The following MAP3K13 variants were observed in gnomAD, a reference collection of about 807,000 sequenced individuals.
The protein encoded by MAP3K13 is mitogen-activated protein kinase kinase kinase 13.
A neutral mutation model predicts 104.0 loss-of-function variants in MAP3K13; 52 were observed. The observed-to-expected ratio is 0.50, with a 90% confidence interval of 0.40 to 0.63. The LOEUF is 0.63. Among genes scored for constraint, MAP3K13 ranks in the 20% least tolerant of loss-of-function variants. The probability of loss-of-function intolerance (pLI) is 0.00; values close to 1 mark genes in which losing one functional copy is unlikely to be tolerated. For synonymous variants in MAP3K13, 394 were observed against 442.2 expected (o/e 0.89, Z 1.37); for missense variants, 914 against 1,218.5 (o/e 0.75, Z 3.72).
At chr3:185,339,989 C>A (rs575540345) in intron 2 of MAP3K13, among the ~76,000 whole-genome samples, 39 of 76,066 alleles carry the variant, frequency 5.1e-4, no homozygotes, top group African/African-American at 1.4e-3. Flanking sequence ...TTAATTATTT[C>A]TTTTCCTTTT....
chr3:185,333,607 A>G (rs548724955), intron 2 of MAP3K13, among the ~76,000 whole-genome samples: 26 of 152,332 alleles, frequency 1.7e-4, no homozygotes, highest in African/African-American at 6.3e-4. Flanking sequence ...CATTAAAAAT[A>G]TCTGGCTGGG....
At chr3:185,417,382 C>T in intron 1 of MAP3K13, 3 of 1,035,910 alleles carry the variant, frequency 2.9e-6, no homozygotes, top group South Asian at 3.3e-5. Flanking sequence ...GATATATGTT[C>T]TTTTCTTTTC....
rs139024683 is a variant in MAP3K13 at position 185,369,416 on chromosome 3, T to C, written c.-86+6048T>C. On this transcript the variant is annotated intron_variant, in intron 1 of 13. Coordinates refer to ENST00000265026, the MANE Select transcript of MAP3K13 (RefSeq NM_004721.5). ...TGAATATTCAGTATTAACTTTATTG[T>C]ATAAGTGCCATTTTGGGGAGATTAG... Among the ~76,000 whole-genome samples the C allele has an allele frequency of 2.0e-4, 31 of 152,344 alleles. No individual in the cohort carries two copies. The East Asian group carries it at 5.8e-3, about 28-fold the overall frequency.
intron 2 of MAP3K13, among the ~76,000 whole-genome samples, chr3:185,342,984 T>A (rs1320586997): frequency 6.6e-6 from 1 of 152,260 alleles, no homozygotes; most frequent in Non-Finnish European, 1.5e-5. Context: ...CAGTTTTTTT[T>A]ATTTTGTTTT....
chr3:185,466,631 C>A (rs2148917605), intron 9 of MAP3K13, among the ~76,000 whole-genome samples, 195 bp from the exon 10 acceptor site: 1 of 152,280 alleles, frequency 6.6e-6, no homozygotes, highest in Non-Finnish European at 1.5e-5. Flanking sequence ...CCCACCTTGG[C>A]CTCCCAAAGT....
chr3:185,396,388 A>AAATG (rs1425730877), intron 1 of MAP3K13, among the ~76,000 whole-genome samples: 2 of 151,924 alleles, frequency 1.3e-5, no homozygotes, highest in African/African-American at 4.8e-5. Context: ...ATAAATAAAT[A>AAATG]ATTAAAAATA....
intron 7 of MAP3K13, among the ~76,000 whole-genome samples, chr3:185,458,367 C>A (rs1306856527): frequency 4.1e-4 from 46 of 112,138 alleles, no homozygotes; most frequent in African/African-American, 9.0e-4. Context: ...GACCCCATCT[C>A]AAAAAAAAAA....
chr3:185,393,490 G>T (rs993832463), intron 1 of MAP3K13, among the ~76,000 whole-genome samples: 11 of 146,200 alleles, frequency 7.5e-5, no homozygotes, highest in Non-Finnish European at 1.3e-4. Context: ...ACGGAGTCTC[G>T]CTCTGTTGTC....
chr3:185,329,139 A>C, intron 2 of MAP3K13: 3 of 677,764 alleles, frequency 4.4e-6, no homozygotes, highest in Non-Finnish European at 2.7e-6. Flanking sequence ...TTAATGGAAA[A>C]GAAAGCCGTG....
intron 1 of MAP3K13, among the ~76,000 whole-genome samples, chr3:185,283,498 T>C (rs1364588675): frequency 1.3e-5 from 2 of 151,606 alleles, no homozygotes; most frequent in Non-Finnish European, 1.5e-5. Context: ...AATGAATGAA[T>C]GAACCAACCA....
At chr3:185,355,466 C>CAAAAA (rs10554957) in intron 2 of MAP3K13, among the ~76,000 whole-genome samples, 5 of 135,970 alleles carry the variant, frequency 3.7e-5, no homozygotes, top group South Asian at 2.4e-4. Context: ...AACTCTGTCT[C>CAAAAA]AAAAAAAAAA....
At chr3:185,455,849 T>TAG (rs1716685737) in intron 7 of MAP3K13, among the ~76,000 whole-genome samples, 1 of 91,122 alleles carries the variant, frequency 1.1e-5, no homozygotes, top group African/African-American at 3.5e-5. Context: ...ATATGAGATA[T>TAG]ATATGAGATA....
At chr3:185,442,913 C>T (rs1464941213) in intron 3 of MAP3K13, among the ~76,000 whole-genome samples, 4 of 152,090 alleles carry the variant, frequency 2.6e-5, no homozygotes, top group Admixed American at 6.6e-5. Context: ...AATCTCGGCT[C>T]ACTGCAACCT....
Position 185,428,559 on chromosome 3 carries a change from A to C in MAP3K13, c.-23A>C. The stretch of plus-strand genomic sequence containing the variant: ...AAAATCTTCTGAGTGTCATCTCAGG[A>C]CTTTGGTTATACTCATGGCACGATG... On this transcript the variant is annotated 5_prime_UTR_variant, in exon 2 of 14. Transcript: ENST00000265026. 6.5e-7 allele frequency: 1 copy of C among 1,542,628 alleles called. No individual in the cohort carries two copies.
In MAP3K13 at chr3:185,473,857, T is replaced by C; in HGVS notation, c.2430+96T>C. The C allele has an allele frequency of 7.7e-7, 1 of 1,305,958 alleles. No homozygotes were observed. The highest frequency in any genetic ancestry group is 1.0e-6 in the Non-Finnish European group (1 of 958,294). The allele number at this position is 1,305,958 out of a possible 1,614,324, so 80.9% of individuals were successfully genotyped here. On this transcript the variant is annotated intron_variant, in intron 11 of 13. Transcript: ENST00000265026. The surrounding 1 kb of genome is among the most constrained non-coding windows in gnomAD (Gnocchi z 4.9). ...CATTAGAGAGCATATGTAAAAAGTA[T>C]ACATTTTGTAAAAGGACAAGATAAC... is the stretch of plus-strand genomic sequence containing the variant.
chr3:185,447,005 A>G (rs1440917188), intron 4 of MAP3K13, among the ~76,000 whole-genome samples: 1 of 152,230 alleles, frequency 6.6e-6, no homozygotes, highest in Non-Finnish European at 1.5e-5. Context: ...CGAGGTCTGG[A>G]GCAGCATCCT....
In MAP3K13 at chr3:185,450,027, G is replaced by A. The variant is rs761195458; in HGVS notation, c.1138G>A (p.Asp380Asn). ...LHLPVPSTCP[D>N]GFKILMKQTW... Reference sequence around the variant, plus strand: ...CCTTCCAGTTCCTTCCACTTGCCCTGATGGATTCAAAATCCTTATGAAACA... The same window carrying A: ...CCTTCCAGTTCCTTCCACTTGCCCTAATGGATTCAAAATCCTTATGAAACA... The change falls in exon 6 of 14, where the codon GAT (aspartate) becomes AAT (asparagine). Residue 380 changes from aspartate (D) to asparagine (N), a missense_variant. This residue lies in a region of MAP3K13 where 175 missense variants were observed against 321.3 expected (regional missense o/e 0.54). Coordinates refer to ENST00000265026, the MANE Select transcript of MAP3K13 (RefSeq NM_004721.5). This position sits in a 1 kb window ranked among gnomAD's most constrained non-coding sequence, Gnocchi z 4.2. 6.2e-7 allele frequency: 1 copy of A among 1,612,472 alleles called. No individual in the cohort carries two copies. The highest frequency in any genetic ancestry group is 1.1e-5 in the South Asian group (1 of 90,772).
chr3:185,449,956 T>A lies in MAP3K13; in HGVS notation c.1067T>A (p.Val356Glu). ...ACAGGAGAGATCCCTTACAAAGATG[T>A]AGATTCTTCAGCCATTATCTGGGGT... ...LLTGEIPYKD[V>E]DSSAIIWGVG... The change falls in exon 6 of 14, where the codon GTA becomes GAA. Residue 356 changes from valine to glutamate, a missense_variant. Around this residue, in one of 3 missense-constraint regions of MAP3K13, gnomAD observed 175 missense variants for 321.3 expected, o/e 0.54. Coordinates refer to ENST00000265026, the MANE Select transcript of MAP3K13 (RefSeq NM_004721.5). The A allele has an allele frequency of 6.2e-7, 1 of 1,613,880 alleles. No individual in the cohort carries two copies. Among genetic ancestry groups the A allele is most frequent in the East Asian group, 2.2e-5 (1 of 44,840 alleles).
chr3:185,451,409 C>T lies in MAP3K13; in HGVS notation c.1278+14C>T. On this transcript the variant is annotated intron_variant, in intron 7 of 13. Transcript: ENST00000265026. ...TTCAAGTCTCAGGTAAGTTGGGAAA[C>T]TTCCTACCAGGTGCTACTAAACAGA... 2 of 1,568,596 alleles carry T rather than the reference C, an allele frequency of 1.3e-6. No individual in the cohort carries two copies. Among genetic ancestry groups the T allele is most frequent in the South Asian group, 2.2e-5 (2 of 90,252 alleles).
Sources: allele counts gnomAD v4.1 joint callset (sites outside exome capture counted in the v4.1 genomes callset), GRCh38; gene constraint gnomAD v4.1.1; regional missense constraint gnomAD v4.1.1; non-coding constraint Gnocchi (gnomAD v3.1); transcripts MANE v1.5; gene names NCBI Gene and HGNC (gene_info 2026-07-23, HGNC 2026-07-21).